The following FAM13B variants were observed in gnomAD, a reference collection of about 807,000 sequenced individuals.
FAM13B encodes protein FAM13B.
A neutral mutation model predicts 117.3 loss-of-function variants in FAM13B; 60 were observed. That is an observed-to-expected ratio of 0.51 (90% CI 0.42 to 0.63). The LOEUF is 0.63. FAM13B is among the 30% of genes least tolerant of loss of function. FAM13B has a pLI of 0.00. For missense variants in FAM13B, 972 were observed against 1,091.9 expected (o/e 0.89, Z 1.55); for synonymous variants, 332 against 356.1 (o/e 0.93, Z 0.76).
intron 6 of FAM13B, among the ~76,000 whole-genome samples, chr5:138,008,649 T>C (rs1318423730): frequency 3.3e-5 from 5 of 152,240 alleles, no homozygotes; most frequent in Non-Finnish European, 7.3e-5. Context: ...GCAATGTCTA[T>C]ACATAATAAG....
At position 137,985,058 on chromosome 5, in the gene FAM13B, C is replaced by A. The variant is rs1286870693; in HGVS notation, c.1179+199G>T. 2.6e-5 allele frequency among the ~76,000 whole-genome samples: 4 copies of A among 152,142 alleles called. No individual in the cohort carries two copies. In the East Asian group the frequency reaches 5.8e-4, roughly 22 times the overall value. ...TGCTGGGATTACAGGCGTGAGCCACCACACCCAGCCAATAAGTTGTTTTAT... is the reference window on the plus strand; with the variant it reads ...TGCTGGGATTACAGGCGTGAGCCACAACACCCAGCCAATAAGTTGTTTTAT... On this transcript the variant is annotated intron_variant, in intron 10 of 23. Transcript: ENST00000689681.
chr5:137,961,063 T>C (rs770563602), intron 11 of FAM13B, among the ~76,000 whole-genome samples: 1 of 152,226 alleles, frequency 6.6e-6, no homozygotes, highest in African/African-American at 2.4e-5. Context: ...AATTACCTTA[T>C]TCTTGCTGAG....
At chr5:137,966,488 T>TATATATAGAGAG (rs1461425784) in intron 10 of FAM13B, among the ~76,000 whole-genome samples, 45 of 29,482 alleles carry the variant, frequency 1.5e-3, no homozygotes, top group African/African-American at 3.6e-3. Flanking sequence ...TATATATATA[T>TATATATAGAGAG]AGAGAGAGAG....
intron 7 of FAM13B, among the ~76,000 whole-genome samples, chr5:137,991,773 A>G (rs931568878): frequency 2.6e-5 from 4 of 152,242 alleles, no homozygotes; most frequent in Non-Finnish European, 5.9e-5. Context: ...GATAAAATCA[A>G]TTCTGGGTAG....
At chr5:137,953,289 G>A (rs558178998) in intron 16 of FAM13B, 47 bp downstream of exon 16, 1 of 1,601,454 alleles carries the variant, frequency 6.2e-7, no homozygotes, top group East Asian at 2.2e-5. Flanking sequence ...TATCCTCTCA[G>A]TTCTAATATT....
At chr5:137,948,862 A>C in intron 18 of FAM13B, 93 bp downstream of exon 18, 1 of 919,578 alleles carries the variant, frequency 1.1e-6, no homozygotes, top group Non-Finnish European at 1.7e-6. Flanking sequence ...CAGGAAAATC[A>C]GACTACCTAG....
chr5:137,994,526 T>C (rs566382432), intron 7 of FAM13B, among the ~76,000 whole-genome samples: 10 of 152,216 alleles, frequency 6.6e-5, no homozygotes, highest in Non-Finnish European at 1.3e-4. Context: ...AGCTAAAATA[T>C]ATAGATATCA....
chr5:137,976,164 C>T (rs1176362694), intron 10 of FAM13B, among the ~76,000 whole-genome samples: 2 of 151,918 alleles, frequency 1.3e-5, no homozygotes, highest in Admixed American at 6.6e-5. Flanking sequence ...ACCATGTTAG[C>T]CAGGATGGTC....
chr5:137,956,413 T>TA, intron 14 of FAM13B, 64 bp downstream of exon 14: 1 of 1,199,582 alleles, frequency 8.3e-7, no homozygotes, highest in Non-Finnish European at 1.2e-6. Flanking sequence ...AAGGGCTTAA[T>TA]AAAAAGACAA....
intron 1 of FAM13B, among the ~76,000 whole-genome samples, chr5:138,021,461 A>C (rs1291203769): frequency 1.3e-5 from 2 of 152,204 alleles, no homozygotes; most frequent in African/African-American, 4.8e-5. Context: ...ATCTTCAAGG[A>C]CTACACCATT....
At chr5:138,026,734 G>A (rs1486065518) in intron 1 of FAM13B, among the ~76,000 whole-genome samples, 1 of 149,938 alleles carries the variant, frequency 6.7e-6, no homozygotes, top group East Asian at 1.9e-4. Context: ...AAGATCAGGA[G>A]TTCAAGACCA....
chr5:138,050,074 G>T (rs1791755545), intron 1 of FAM13B, among the ~76,000 whole-genome samples: 1 of 152,078 alleles, frequency 6.6e-6, no homozygotes, highest in African/African-American at 2.4e-5. Context: ...CAAGTTCAAG[G>T]CTACAGTAAG....
chr5:138,039,624 C>G (rs1356351628), intron 1 of FAM13B: 1 of 144,380 alleles, frequency 6.9e-6, no homozygotes, highest in East Asian at 2.0e-4. Flanking sequence ...TTCTTAGAGA[C>G]GTATTATCAC....
chr5:138,009,897 T>A (rs1281425852), intron 6 of FAM13B, among the ~76,000 whole-genome samples: 2 of 151,130 alleles, frequency 1.3e-5, no homozygotes, highest in Admixed American at 6.6e-5. Flanking sequence ...TCAAAAAAAA[T>A]TTTTAAAGAA....
chr5:138,007,474 A>G (rs768335541), intron 6 of FAM13B, among the ~76,000 whole-genome samples: 16 of 152,210 alleles, frequency 1.1e-4, no homozygotes, highest in Non-Finnish European at 1.9e-4. Context: ...TTTTCTAACT[A>G]GTTTCGTAAA....
At position 137,940,018 on chromosome 5, in the gene FAM13B, T is replaced by C. The variant is rs2150085618; in HGVS notation, c.*207A>G. ...TGCTAAAGGTGGAGAGGACAGTCTG[T>C]GGTTAATATGGAACATCACTTACGC... On this transcript the variant is annotated 3_prime_UTR_variant, in exon 24 of 24. Coordinates refer to ENST00000689681, the MANE Select transcript of FAM13B (RefSeq NM_001385994.1). 2 of 1,609,906 alleles carry C rather than the reference T, an allele frequency of 1.2e-6. No individual in the cohort carries two copies. Among genetic ancestry groups the C allele is most frequent in the South Asian group, 1.1e-5 (1 of 90,404 alleles).
At chr5:137,942,153 C>A in intron 22 of FAM13B, 108 bp from the exon 23 acceptor site, 1 of 789,628 alleles carries the variant, frequency 1.3e-6, no homozygotes. Flanking sequence ...ACTGTTAGGT[C>A]TACCAATGCC....
intron 7 of FAM13B, among the ~76,000 whole-genome samples, chr5:137,999,157 AG>A (rs1479527870): frequency 2.1e-5 from 3 of 141,292 alleles, no homozygotes; most frequent in Non-Finnish European, 4.5e-5. Context: ...TTAGTTGCCC[AG>A]GCTGGAGTGC....
rs1777555138 is a variant in FAM13B, at chr5:137,987,579, G to A, written c.928C>T (p.His310Tyr). Residue 310 changes from histidine to tyrosine, a missense_variant, in exon 9 of 24, where the codon CAC becomes TAC. Physicochemically the swap from His to Tyr is moderately conservative, Grantham distance 83. Transcript: ENST00000689681. Reference protein sequence around the residue: ...ERTIRAAVEQHLFDLQSSIDH... With the variant: ...ERTIRAAVEQYLFDLQSSIDH... ...ATGCTGCTCTGAAGATCAAAAAGGTGCTGTTCCACAGCTGCTCTAATTGTT... is the reference window on the plus strand; with the variant it reads ...ATGCTGCTCTGAAGATCAAAAAGGTACTGTTCCACAGCTGCTCTAATTGTT... The A allele has an allele frequency of 6.2e-7, 1 of 1,613,056 alleles. No individual in the cohort carries two copies. Among genetic ancestry groups the A allele is most frequent in the Non-Finnish European group, 8.5e-7 (1 of 1,179,546 alleles).
Sources: gnomAD v4.1 joint callset for allele counts (sites outside exome capture counted in the v4.1 genomes callset) on GRCh38, gnomAD v4.1.1 for gene constraint, MANE v1.5 for transcripts, NCBI Gene and HGNC (gene_info 2026-07-23, HGNC 2026-07-21) for gene names.